MEIS2: variants seen among roughly 807,000 people sequenced by gnomAD.
MEIS2 encodes the protein homeobox protein Meis2.
Under a neutral mutation model 58.6 loss-of-function variants are expected in MEIS2, and 9 were observed. The observed-to-expected ratio is 0.15, with a 90% confidence interval of 0.09 to 0.27. The LOEUF (loss-of-function observed/expected upper bound fraction) is 0.27, where lower values mean the gene tolerates loss of function less well. Among genes scored for constraint, MEIS2 ranks in the 10% least tolerant of loss-of-function variants. The probability of loss-of-function intolerance (pLI) is 1.00; values close to 1 mark genes in which losing one functional copy is unlikely to be tolerated. For synonymous variants in MEIS2, 221 were observed against 228.4 expected, an observed-to-expected ratio of 0.97 and a Z score of 0.29; for missense variants, 427 against 635.0, an observed-to-expected ratio of 0.67 and a Z score of 3.52.
intron 8 of MEIS2, among the ~76,000 whole-genome samples, chr15:36,978,687 G>A (rs574177831): frequency 2.6e-4 from 39 of 152,188 alleles, no homozygotes; most frequent in African/African-American, 8.9e-4. Flanking sequence ...ATACTTATTT[G>A]AATTTGTATC....
Position 36,925,883 on chromosome 15 carries a change from G to C in MEIS2, c.977+24441C>G, listed in dbSNP as rs528886569. On this transcript the variant is annotated intron_variant, in intron 9 of 11. Transcript: ENST00000561208. ...AACAAACAATACTGCTGTGAAATTG[G>C]TTTAATGACAAAGTAATAAAATTGC... Among the ~76,000 whole-genome samples the C allele has an allele frequency of 1.8e-4, 28 of 152,280 alleles. 1 individual carries two copies. Among genetic ancestry groups the C allele is most frequent in the Middle Eastern group, 3.4e-3 (1 of 294 alleles).
At chr15:36,962,628 G>A (rs1225008474) in intron 8 of MEIS2, among the ~76,000 whole-genome samples, 1 of 151,926 alleles carries the variant, frequency 6.6e-6, no homozygotes, top group East Asian at 1.9e-4. Context: ...TGTGGAACCC[G>A]CAGACATAAA....
chr15:37,036,503 C>G (rs16964578), intron 8 of MEIS2: 5,003 of 177,166 alleles, frequency 0.028, 294 homozygotes, highest in African/African-American at 0.11. Flanking sequence ...GTTGCTGTTG[C>G]AGTATCCGAA....
intron 8 of MEIS2, among the ~76,000 whole-genome samples, chr15:36,976,298 C>G (rs11632018): frequency 6.6e-6 from 1 of 151,646 alleles, no homozygotes. Context: ...GTTGGCCAGG[C>G]TGGTCTCGAA....
intron 7 of MEIS2, among the ~76,000 whole-genome samples, chr15:37,038,291 C>G (rs529645053): frequency 5.9e-5 from 9 of 152,312 alleles, no homozygotes; most frequent in South Asian, 2.1e-4. Context: ...CAGACCTGCT[C>G]CCTCCTCTCG....
At chr15:37,028,905 C>T (rs993401113) in intron 8 of MEIS2, among the ~76,000 whole-genome samples, 2 of 152,006 alleles carry the variant, frequency 1.3e-5, no homozygotes, top group Non-Finnish European at 2.9e-5. Context: ...TCTCCCATCC[C>T]CACCCCTCAA....
At chr15:36,892,676 A>G (rs1467550620) in intron 11 of MEIS2, among the ~76,000 whole-genome samples, 1 of 152,228 alleles carries the variant, frequency 6.6e-6, no homozygotes, top group African/African-American at 2.4e-5. Flanking sequence ...CAACAGAACT[A>G]AATATTTAAT....
chr15:36,977,180 A>G (rs1016925637), intron 8 of MEIS2, among the ~76,000 whole-genome samples: 4 of 152,174 alleles, frequency 2.6e-5, no homozygotes, highest in African/African-American at 9.6e-5. Flanking sequence ...GTAAGTGTAT[A>G]TATATATAAC....
chr15:37,002,759 C>T (rs1210515573), intron 8 of MEIS2, among the ~76,000 whole-genome samples: 3 of 151,880 alleles, frequency 2.0e-5, no homozygotes, highest in African/African-American at 4.8e-5. Context: ...TTCATTTAAA[C>T]GAGACAATGA....
intron 9 of MEIS2, among the ~76,000 whole-genome samples, chr15:36,931,739 G>C (rs1326548926): frequency 6.6e-6 from 1 of 152,112 alleles, no homozygotes; most frequent in East Asian, 1.9e-4. Flanking sequence ...TGTCTCCACT[G>C]GCCAAGAATC....
chr15:36,996,047 A>AGGTG (rs2060510283), intron 8 of MEIS2, among the ~76,000 whole-genome samples: 1 of 99,628 alleles, frequency 1.0e-5, no homozygotes, highest in Non-Finnish European at 2.2e-5. Flanking sequence ...ACACACACAC[A>AGGTG]TATATATATA....
intron 8 of MEIS2, among the ~76,000 whole-genome samples, chr15:37,004,966 C>T (rs1474331741): frequency 2.7e-5 from 4 of 150,880 alleles, no homozygotes; most frequent in African/African-American, 9.7e-5. Context: ...CAAATATGTA[C>T]AATTATGATA....
At chr15:37,009,437 A>T (rs1466752223) in intron 8 of MEIS2, among the ~76,000 whole-genome samples, 1 of 152,262 alleles carries the variant, frequency 6.6e-6, no homozygotes, top group African/African-American at 2.4e-5. Context: ...AAACAATTCC[A>T]GAGTGCAAAC....
intron 7 of MEIS2, among the ~76,000 whole-genome samples, chr15:37,047,606 G>A (rs1425437849): frequency 6.6e-6 from 1 of 152,144 alleles, no homozygotes; most frequent in Non-Finnish European, 1.5e-5. Flanking sequence ...AAAAGAGAAA[G>A]TATGAATGGA....
intron 7 of MEIS2, among the ~76,000 whole-genome samples, chr15:37,057,086 T>C (rs1183414761): frequency 6.6e-6 from 1 of 152,214 alleles, no homozygotes; most frequent in African/African-American, 2.4e-5. Context: ...GGGTTCCTCA[T>C]TACATGGAGT....
At chr15:36,927,204 C>T (rs1567062587) in intron 9 of MEIS2, among the ~76,000 whole-genome samples, 1 of 152,116 alleles carries the variant, frequency 6.6e-6, no homozygotes, top group Non-Finnish European at 1.5e-5. Flanking sequence ...CCTGCCAATC[C>T]TGCTGAGAGG....
chr15:36,901,648 C>T (rs2056479127), intron 9 of MEIS2, among the ~76,000 whole-genome samples: 1 of 152,018 alleles, frequency 6.6e-6, no homozygotes. Flanking sequence ...TTGCCTACAC[C>T]TTTAAAAACA....
At chr15:37,004,973 G>C (rs1023847131) in intron 8 of MEIS2, among the ~76,000 whole-genome samples, 1 of 152,178 alleles carries the variant, frequency 6.6e-6, no homozygotes, top group Non-Finnish European at 1.5e-5. Context: ...GTACAATTAT[G>C]ATATACCAAT....
intron 8 of MEIS2, among the ~76,000 whole-genome samples, chr15:36,987,290 C>T (rs1024398715): frequency 2.6e-5 from 4 of 151,868 alleles, no homozygotes; most frequent in African/African-American, 4.8e-5. Flanking sequence ...TGCCTGTAGT[C>T]GCAGCTACTT....
Sources: gnomAD v4.1 joint callset for allele counts (sites outside exome capture counted in the v4.1 genomes callset) on GRCh38, gnomAD v4.1.1 for gene constraint, MANE v1.5 for transcripts, NCBI Gene and HGNC (gene_info 2026-07-23, HGNC 2026-07-21) for gene names.